The following ABLIM3 variants were observed in gnomAD, a reference collection of about 807,000 sequenced individuals.
ABLIM3 encodes the protein actin-binding LIM protein 3.
In ABLIM3, 61 loss-of-function variants were observed where a neutral mutation model predicts 109.5. That is an observed-to-expected ratio of 0.56 (90% CI 0.45 to 0.69). The LOEUF is 0.69. Among genes scored for constraint, ABLIM3 ranks in the 30% least tolerant of loss-of-function variants. ABLIM3 has a pLI of 0.00. For synonymous variants in ABLIM3, 300 were observed against 324.8 expected (o/e 0.92, Z 0.82); for missense variants, 796 against 889.5 (o/e 0.89, Z 1.34).
intron 18 of ABLIM3, among the ~76,000 whole-genome samples, chr5:149,248,658 C>T (rs189070789): frequency 7.2e-6 from 1 of 138,508 alleles, no homozygotes; most frequent in South Asian, 2.2e-4. Context: ...CCACTGCACT[C>T]CAGCCTGGGC....
intron 2 of ABLIM3, among the ~76,000 whole-genome samples, chr5:149,179,863 T>C (rs1250958688): frequency 6.6e-6 from 1 of 152,192 alleles, no homozygotes; most frequent in Non-Finnish European, 1.5e-5. Flanking sequence ...CCTGTGACTA[T>C]TATATTGGAC....
At chr5:149,255,824 A>G (rs1209890393) in intron 23 of ABLIM3, among the ~76,000 whole-genome samples, 10 of 152,292 alleles carry the variant, frequency 6.6e-5, no homozygotes, top group Middle Eastern at 3.4e-3. Context: ...AGGTGCATGA[A>G]AAGATCACCA....
intron 8 of ABLIM3, among the ~76,000 whole-genome samples, chr5:149,228,438 G>A (rs1018262937): frequency 6.6e-6 from 1 of 152,182 alleles, no homozygotes; most frequent in Admixed American, 6.5e-5. Context: ...AGGGTCCAAT[G>A]AGTCATTCAC....
rs114151356 is a variant in ABLIM3 at position 149,215,304 on chromosome 5, G to C, written c.670-1655G>C. Among the ~76,000 whole-genome samples, 645 of 152,272 alleles carry C rather than the reference G, an allele frequency of 4.2e-3. 3 individuals carry two copies. Among genetic ancestry groups the C allele is most frequent in the Middle Eastern group, 6.8e-3 (2 of 294 alleles). On this transcript the variant is annotated intron_variant, in intron 7 of 23. Transcript: ENST00000309868. ...ACATTCCAGCTTAGGAAAATAGCAG[G>C]CTCCTTCCAAAGTTTGAACATATTC...
At chr5:149,239,183 C>A in intron 11 of ABLIM3, 65 bp from the exon 12 acceptor site, 1 of 1,538,522 alleles carries the variant, frequency 6.5e-7, no homozygotes, top group Non-Finnish European at 9.0e-7. Flanking sequence ...CTCTGTCCTT[C>A]GTCTCGTCCT....
Position 149,247,832 on chromosome 5 carries a change from G to C in ABLIM3, c.1602G>C (p.Arg534=), listed in dbSNP as rs377024204. ...RLILKEEMKA[R]SSSYADPWTP... is the part of the protein sequence containing the mutation. ...TTCTGAAGGAAGAAATGAAGGCCCG[G>C]TCGAGCTCCTATGCAGATCCCTGGA... is the stretch of plus-strand genomic sequence containing the variant. The change falls in exon 18 of 24, where the codon CGG becomes CGC. Residue 534 remains arginine (R), a synonymous_variant. Coordinates refer to ENST00000309868, the MANE Select transcript of ABLIM3 (RefSeq NM_014945.5). 6.2e-7 allele frequency: 1 copy of C among 1,614,142 alleles called. No homozygotes were observed. The highest frequency in any genetic ancestry group is 1.1e-5 in the South Asian group (1 of 91,090).
chr5:149,202,629 T>G (rs1238669784), intron 5 of ABLIM3, among the ~76,000 whole-genome samples: 6 of 150,626 alleles, frequency 4.0e-5, no homozygotes, highest in Non-Finnish European at 8.9e-5. Context: ...ATAATTGGGG[T>G]TTTTTAAGCT....
chr5:149,233,200 C>G, intron 9 of ABLIM3, 29 bp from the exon 10 acceptor site: 2 of 1,612,442 alleles, frequency 1.2e-6, no homozygotes, highest in South Asian at 2.2e-5. Context: ...TGCAGCTTCT[C>G]ACCTTTTCTG....
intron 3 of ABLIM3, among the ~76,000 whole-genome samples, chr5:149,187,598 T>A (rs183422548): frequency 3.3e-5 from 5 of 152,350 alleles, no homozygotes; most frequent in Admixed American, 2.6e-4. Flanking sequence ...ATTAATACGT[T>A]AGTATGTTCA....
At chr5:149,235,740 C>T (rs1198847482) in intron 10 of ABLIM3, among the ~76,000 whole-genome samples, 1 of 152,158 alleles carries the variant, frequency 6.6e-6, no homozygotes. Context: ...CACACACCCC[C>T]AGAACTGGTG....
At position 149,242,697 on chromosome 5, in the gene ABLIM3, C is replaced by A. The variant is rs1752974761; in HGVS notation, c.1351+159C>A. ...CCCATCACCCAGGGTGACATTAGGGCAGAGTTTGGTATCATTTCAAAAGAA... is the reference window on the plus strand; with the variant it reads ...CCCATCACCCAGGGTGACATTAGGGAAGAGTTTGGTATCATTTCAAAAGAA... On this transcript the variant is annotated intron_variant, in intron 15 of 23. Transcript: ENST00000309868. 5 of 758,628 alleles carry A rather than the reference C, an allele frequency of 6.6e-6. No individual in the cohort carries two copies. In the Admixed American group the frequency reaches 9.9e-5, roughly 15 times the overall value. 47.0% of individuals were successfully genotyped at this position (758,628 alleles called of 1,614,324 possible).
At chr5:149,221,612 T>C (rs937558983) in intron 8 of ABLIM3, among the ~76,000 whole-genome samples, 2 of 152,254 alleles carry the variant, frequency 1.3e-5, no homozygotes, top group Non-Finnish European at 2.9e-5. Context: ...CTTTTAACTG[T>C]GTTTGTAAAG....
chr5:149,153,630 C>G (rs1753629274), intron 2 of ABLIM3, among the ~76,000 whole-genome samples: 3 of 152,200 alleles, frequency 2.0e-5, no homozygotes, highest in Non-Finnish European at 4.4e-5. Context: ...CGTATATTCC[C>G]AGAAATGAGT....
chr5:149,162,038 G>A (rs972558611), intron 2 of ABLIM3, among the ~76,000 whole-genome samples: 11 of 152,108 alleles, frequency 7.2e-5, no homozygotes, highest in African/African-American at 2.2e-4. Context: ...TAAAATAGCC[G>A]GAGTGATCCT....
chr5:149,260,537 G>T lies in ABLIM3; in HGVS notation c.*2133G>T, dbSNP rs983028277. 6.6e-6 allele frequency: 1 copy of T among 152,540 alleles called. No individual in the cohort carries two copies. Among genetic ancestry groups the T allele is most frequent in the Admixed American group, 6.5e-5 (1 of 15,268 alleles). The allele number at this position is 152,540 out of a possible 1,614,324, so 9.4% of individuals were successfully genotyped here. A position where few individuals can be genotyped will look rare whatever the true frequency, so the allele number is the denominator to read the frequency against. On this transcript the variant is annotated 3_prime_UTR_variant, in exon 24 of 24. Coordinates refer to ENST00000309868, the MANE Select transcript of ABLIM3 (RefSeq NM_014945.5). ...TTTTCAAAATGAAAGCACCAAAACAGCAGCCACTCCTTTGGCCTCAGTTTC... is the reference window on the plus strand; with the variant it reads ...TTTTCAAAATGAAAGCACCAAAACATCAGCCACTCCTTTGGCCTCAGTTTC...
At chr5:149,187,912 C>T (rs890107848) in intron 3 of ABLIM3, among the ~76,000 whole-genome samples, 2 of 152,332 alleles carry the variant, frequency 1.3e-5, no homozygotes, top group Non-Finnish European at 2.9e-5. Context: ...GCAGGGGCCA[C>T]GTGCCTCAGG....
chr5:149,174,629 C>T (rs986157810), intron 2 of ABLIM3: 5 of 152,342 alleles, frequency 3.3e-5, no homozygotes, highest in African/African-American at 1.2e-4. Flanking sequence ...GCCTCCAGTG[C>T]AAGGCAACCC....
At chr5:149,155,905 G>C (rs1753833642) in intron 2 of ABLIM3, among the ~76,000 whole-genome samples, 1 of 152,208 alleles carries the variant, frequency 6.6e-6, no homozygotes, top group African/African-American at 2.4e-5. Context: ...GTCAGGAGAG[G>C]TTTGGAGCCC....
Position 149,258,664 on chromosome 5 carries a change from T to C in ABLIM3, c.*260T>C. 4 of 1,131,244 alleles carry C rather than the reference T, an allele frequency of 3.5e-6. No homozygotes were observed. The highest frequency in any genetic ancestry group is 4.3e-6 in the Non-Finnish European group (4 of 923,860). The allele number at this position is 1,131,244 out of a possible 1,614,324, so 70.1% of individuals were successfully genotyped here. The stretch of plus-strand genomic sequence containing the variant: ...GGGATCCTTTTTATACTGAAACATC[T>C]GTCCTAACTTGAGTGCCCCAAGGTC... On this transcript the variant is annotated 3_prime_UTR_variant, in exon 24 of 24. Transcript: ENST00000309868.
Sources: gnomAD v4.1 joint callset for allele counts (sites outside exome capture counted in the v4.1 genomes callset) on GRCh38, gnomAD v4.1.1 for gene constraint, MANE v1.5 for transcripts, NCBI Gene and HGNC (gene_info 2026-07-23, HGNC 2026-07-21) for gene names.